The following PAX7 variants were observed in gnomAD, a reference collection of about 807,000 sequenced individuals.
PAX7 encodes paired box 7.
PAX7 carries 18 observed loss-of-function variants against 50.7 expected under a neutral mutation model. The ratio of observed to expected loss-of-function variants is 0.36; its 90% CI spans 0.25 to 0.53. The LOEUF is 0.53. Among genes scored for constraint, PAX7 ranks in the 20% least tolerant of loss-of-function variants. The probability of loss-of-function intolerance (pLI) is 0.93; values close to 1 mark genes in which losing one functional copy is unlikely to be tolerated. For synonymous variants in PAX7, 310 were observed against 290.4 expected (o/e 1.07, Z -0.69); for missense variants, 644 against 702.9 (o/e 0.92, Z 0.95).
At chr1:18,705,039 G>T (rs1308533181) in intron 7 of PAX7, among the ~76,000 whole-genome samples, 1 of 152,188 alleles carries the variant, frequency 6.6e-6, no homozygotes, top group Non-Finnish European at 1.5e-5. Context: ...TAATGGTGAC[G>T]TATCAAGCCC....
intron 4 of PAX7, among the ~76,000 whole-genome samples, chr1:18,653,117 G>C (rs1228213713): frequency 1.3e-5 from 2 of 152,016 alleles, no homozygotes; most frequent in African/African-American, 4.8e-5. Flanking sequence ...GGCCTTCCCT[G>C]TCTCCTTCAG....
chr1:18,664,126 A>G (rs1034598499), intron 4 of PAX7, among the ~76,000 whole-genome samples: 2 of 152,228 alleles, frequency 1.3e-5, no homozygotes, highest in African/African-American at 4.8e-5. Context: ...TCTCCAGCAG[A>G]CACTCCTCAG....
In PAX7 at chr1:18,699,768, A is replaced by C. The variant is rs550233420; in HGVS notation, c.787-885A>C. On this transcript the variant is annotated intron_variant, in intron 5 of 8. Transcript: ENST00000420770. ...AGTAGAGACAGGGTTTCACCTTATTAGCCAGGATGGTCTCAATCTCCTGAC... is the reference window on the plus strand; with the variant it reads ...AGTAGAGACAGGGTTTCACCTTATTCGCCAGGATGGTCTCAATCTCCTGAC... Among the ~76,000 whole-genome samples, 45 of 152,028 alleles carry C rather than the reference A, an allele frequency of 3.0e-4. 1 individual carries two copies. In the South Asian group the frequency reaches 8.9e-3, roughly 30 times the overall value.
intron 7 of PAX7, among the ~76,000 whole-genome samples, chr1:18,721,961 A>G (rs756651831): frequency 3.3e-5 from 5 of 152,162 alleles, no homozygotes; most frequent in Non-Finnish European, 5.9e-5. Flanking sequence ...GTTGGTGGCA[A>G]TGGTTACCAG....
chr1:18,729,680 TGGA>T (rs2089621089), intron 7 of PAX7, among the ~76,000 whole-genome samples: 1 of 152,166 alleles, frequency 6.6e-6, no homozygotes, highest in African/African-American at 2.4e-5. Flanking sequence ...GTGTGTGTTG[TGGA>T]GTTGTGTGGA....
intron 7 of PAX7, among the ~76,000 whole-genome samples, chr1:18,724,876 C>T (rs762215291): frequency 2.0e-4 from 30 of 152,204 alleles, no homozygotes; most frequent in Non-Finnish European, 1.3e-4. Context: ...CACACAGCTA[C>T]GCAGCCACAT....
chr1:18,679,747 C>T (rs2088871062), intron 4 of PAX7, among the ~76,000 whole-genome samples: 1 of 152,184 alleles, frequency 6.6e-6, no homozygotes, highest in Non-Finnish European at 1.5e-5. Context: ...GCAAAGCCTC[C>T]ACCGTGGAAG....
At chr1:18,725,571 C>G (rs999630732) in intron 7 of PAX7, among the ~76,000 whole-genome samples, 1 of 152,326 alleles carries the variant, frequency 6.6e-6, no homozygotes, top group Non-Finnish European at 1.5e-5. Flanking sequence ...GAGATGGGAT[C>G]TTTCATGCTT....
At chr1:18,672,608 T>C (rs1013341628) in intron 4 of PAX7, among the ~76,000 whole-genome samples, 1 of 148,498 alleles carries the variant, frequency 6.7e-6, no homozygotes, top group Non-Finnish European at 1.5e-5. Flanking sequence ...TTTTTTTTTT[T>C]TTTTTTTTTG....
chr1:18,648,054 C>T (rs1310663657), intron 4 of PAX7, among the ~76,000 whole-genome samples: 2 of 152,174 alleles, frequency 1.3e-5, no homozygotes, highest in African/African-American at 4.8e-5. Flanking sequence ...GCTTCTGTCC[C>T]CACAGGCAGA....
chr1:18,661,397 G>A (rs1417307939), intron 4 of PAX7, among the ~76,000 whole-genome samples: 2 of 152,160 alleles, frequency 1.3e-5, no homozygotes, highest in African/African-American at 2.4e-5. Context: ...ACTTGCCTTT[G>A]GTGTGTCCAC....
chr1:18,737,526 AC>A (rs763836766), intron 8 of PAX7, among the ~76,000 whole-genome samples: 1 of 152,248 alleles, frequency 6.6e-6, no homozygotes, highest in Non-Finnish European at 1.5e-5. Context: ...GGGACATGTT[AC>A]AATTCTTGTG....
intron 4 of PAX7, among the ~76,000 whole-genome samples, chr1:18,655,612 G>A (rs576913531): frequency 6.6e-6 from 1 of 152,246 alleles, no homozygotes; most frequent in Non-Finnish European, 1.5e-5. Context: ...TTCCAGGCCT[G>A]TCAGCTGAAG....
intron 7 of PAX7, among the ~76,000 whole-genome samples, chr1:18,727,371 TACACACA>T (rs2089587667): frequency 0.032 from 4,272 of 134,008 alleles, 222 homozygotes; most frequent in African/African-American, 0.11. Context: ...CTCTCTCTCA[TACACACA>T]CACACACACA....
Position 18,631,677 on chromosome 1 carries a change from T to A in PAX7, c.74T>A (p.Phe25Tyr), listed in dbSNP as rs1250059656. ...APGQNYPRTGFPLEVSTPLGQ... is the reference protein window; with the variant it reads ...APGQNYPRTGYPLEVSTPLGQ... ...GGGCAGAACTACCCCCGCACGGGAT[T>A]CCCTTTGGAAGGTAAGAACGCCCAG... The change falls in exon 1 of 9, where the codon TTC (phenylalanine) becomes TAC (tyrosine). Residue 25 changes from phenylalanine to tyrosine, a missense_variant. Physicochemically the swap from Phe to Tyr is conservative, Grantham distance 22. Coordinates refer to ENST00000420770, the MANE Select transcript of PAX7 (RefSeq NM_001135254.2). The A allele has an allele frequency of 2.5e-6, 4 of 1,612,368 alleles. No homozygotes were observed. The African/African-American group carries it at 5.3e-5, about 22-fold the overall frequency.
intron 4 of PAX7, among the ~76,000 whole-genome samples, chr1:18,680,326 A>T (rs962173139): frequency 2.0e-5 from 3 of 152,168 alleles, no homozygotes; most frequent in African/African-American, 7.2e-5. Flanking sequence ...CAGGTCATGG[A>T]TGAGCCCAGA....
chr1:18,722,268 G>T (rs371987259), intron 7 of PAX7, among the ~76,000 whole-genome samples: 18 of 151,966 alleles, frequency 1.2e-4, no homozygotes, highest in African/African-American at 4.1e-4. Context: ...AGGATAAGGC[G>T]GGGACTCCAT....
intron 7 of PAX7, among the ~76,000 whole-genome samples, chr1:18,734,221 C>A (rs1384842699): frequency 6.6e-6 from 1 of 152,138 alleles, no homozygotes; most frequent in African/African-American, 2.4e-5. Flanking sequence ...GGGAACTCAA[C>A]TGTGTGCCCA....
chr1:18,729,124 G>T lies in PAX7; in HGVS notation c.1156-6508G>T, dbSNP rs552457152. ...CTGGGGACAGTTCTTGGTCCATAGG[G>T]ACACTTTCATGCAATTCAGACAAAG... On this transcript the variant is annotated intron_variant, in intron 7 of 8. Coordinates refer to ENST00000420770, the MANE Select transcript of PAX7 (RefSeq NM_001135254.2). Among the ~76,000 whole-genome samples the T allele has an allele frequency of 1.3e-4, 20 of 152,364 alleles. No individual in the cohort carries two copies. In the South Asian group the frequency reaches 4.1e-3, roughly 32 times the overall value.
Sources: allele counts gnomAD v4.1 joint callset (sites outside exome capture counted in the v4.1 genomes callset), GRCh38; gene constraint gnomAD v4.1.1; transcripts MANE v1.5; gene names NCBI Gene and HGNC (gene_info 2026-07-23, HGNC 2026-07-21).